The following LMBRD2 variants were observed in gnomAD, a reference collection of about 807,000 sequenced individuals.
LMBRD2 encodes the protein LMBR1 domain containing 2.
LMBRD2 carries 55 observed loss-of-function variants against 94.4 expected under a neutral mutation model. That is an observed-to-expected ratio of 0.58 (90% CI 0.47 to 0.73). LMBRD2 has a LOEUF of 0.73. Ranked by LOEUF, LMBRD2 falls within the 30% of genes least tolerant of loss-of-function variation. LMBRD2 has a pLI of 0.00. For missense variants in LMBRD2, 640 were observed against 831.9 expected (o/e 0.77, Z 2.84); for synonymous variants, 246 against 272.4 (o/e 0.90, Z 0.95).
chr5:36,123,851 G>A (rs1485827283), intron 7 of LMBRD2, among the ~76,000 whole-genome samples: 2 of 151,684 alleles, frequency 1.3e-5, no homozygotes, highest in Non-Finnish European at 2.9e-5. Flanking sequence ...CTGATTGTAA[G>A]ATATTACTGA....
chr5:36,112,341 G>A (rs1743630986), intron 13 of LMBRD2, among the ~76,000 whole-genome samples: 1 of 152,058 alleles, frequency 6.6e-6, no homozygotes, highest in East Asian at 1.9e-4. Flanking sequence ...ACTGTCTCTG[G>A]GAAAGTTTTC....
chr5:36,103,538 C>T lies in LMBRD2; in HGVS notation c.*508G>A, dbSNP rs1484620916. The T allele has an allele frequency of 6.6e-6, 1 of 152,230 alleles. No homozygotes were observed. The highest frequency in any genetic ancestry group is 1.5e-5 in the Non-Finnish European group (1 of 67,850). The allele number at this position is 152,230 out of a possible 1,614,324, so 9.4% of individuals were successfully genotyped here. On this transcript the variant is annotated 3_prime_UTR_variant, in exon 18 of 18. Transcript: ENST00000296603. ...ATTCAGTTATGTCTAGTAAGTAAGC[C>T]TTGTTTTAAGACACGAGTTTTATGA... is the stretch of plus-strand genomic sequence containing the variant.
chr5:36,140,195 C>G (rs1211079617), intron 4 of LMBRD2, among the ~76,000 whole-genome samples: 1 of 152,222 alleles, frequency 6.6e-6, no homozygotes, highest in Non-Finnish European at 1.5e-5. Flanking sequence ...GACCCAGCCA[C>G]AGGCTTTCAC....
rs977849218 is a variant in LMBRD2 at position 36,103,696 on chromosome 5, T to C, written c.*350A>G. 1.2e-4 allele frequency: 19 copies of C among 163,244 alleles called. No homozygotes were observed. The highest frequency in any genetic ancestry group is 3.5e-4 in the South Asian group (2 of 5,716). The allele number at this position is 163,244 out of a possible 1,614,324, so 10.1% of individuals were successfully genotyped here. A position where few individuals can be genotyped will look rare whatever the true frequency, so the allele number is the denominator to read the frequency against. On this transcript the variant is annotated 3_prime_UTR_variant, in exon 18 of 18. Coordinates refer to ENST00000296603, the MANE Select transcript of LMBRD2 (RefSeq NM_001007527.2). The stretch of plus-strand genomic sequence containing the variant: ...ATATAATATTATTTAGTATGACTTA[T>C]GGCTTCCTTGAATCTTTAAAATAAC...
chr5:36,146,164 A>T (rs530098299), intron 1 of LMBRD2, among the ~76,000 whole-genome samples: 29 of 152,312 alleles, frequency 1.9e-4, no homozygotes, highest in African/African-American at 7.0e-4. Flanking sequence ...CCCACACTTC[A>T]TGTGTTAGTA....
At chr5:36,137,792 A>G (rs1328465453) in intron 4 of LMBRD2, among the ~76,000 whole-genome samples, 1 of 152,208 alleles carries the variant, frequency 6.6e-6, no homozygotes, top group Non-Finnish European at 1.5e-5. Context: ...TGATGGTGGT[A>G]AGAAGCAAAA....
chr5:36,132,020 G>C (rs1188422931), intron 6 of LMBRD2, among the ~76,000 whole-genome samples: 1 of 152,112 alleles, frequency 6.6e-6, no homozygotes, highest in Non-Finnish European at 1.5e-5. Context: ...GCTATCTTGA[G>C]TAAAAAGTGC....
rs1579523504 is a variant in LMBRD2, at chr5:36,137,523, T to A, written c.369-82A>T. ...TCTCAAAGTGCCAGAAATATATGAA[T>A]CTCAATTTTAATGAATAGGTCTTCT... On this transcript the variant is annotated intron_variant, in intron 4 of 17. Coordinates refer to ENST00000296603, the MANE Select transcript of LMBRD2 (RefSeq NM_001007527.2). 8 of 815,366 alleles carry A rather than the reference T, an allele frequency of 9.8e-6. No individual in the cohort carries two copies. The South Asian group carries it at 2.1e-4, about 21-fold the overall frequency. The allele number at this position is 815,366 out of a possible 1,614,324, so 50.5% of individuals were successfully genotyped here. A position where few individuals can be genotyped will look rare whatever the true frequency, so the allele number is the denominator to read the frequency against.
At chr5:36,108,999 AC>A (rs1743539953) in intron 15 of LMBRD2, among the ~76,000 whole-genome samples, 1 of 152,286 alleles carries the variant, frequency 6.6e-6, no homozygotes, top group South Asian at 2.1e-4. Context: ...ACTCAAATAA[AC>A]TACAAATATT....
In LMBRD2 at chr5:36,103,625, T is replaced by A. The variant is rs1194167719; in HGVS notation, c.*421A>T. On this transcript the variant is annotated 3_prime_UTR_variant, in exon 18 of 18. Coordinates refer to ENST00000296603, the MANE Select transcript of LMBRD2 (RefSeq NM_001007527.2). ...TTCTTTGGGAAATACAGGTTGAATA[T>A]ACTTTTTAGAAGTAACAAAAATGTA... is the stretch of plus-strand genomic sequence containing the variant. 1 of 152,760 alleles carries A rather than the reference T, an allele frequency of 6.5e-6. No individual in the cohort carries two copies. The highest frequency in any genetic ancestry group is 1.5e-5 in the Non-Finnish European group (1 of 68,120). 9.5% of individuals were successfully genotyped at this position (152,760 alleles called of 1,614,324 possible).
At chr5:36,143,461 G>A (rs1744465730) in intron 1 of LMBRD2, 55 bp from the exon 2 acceptor site, 3 of 699,444 alleles carry the variant, frequency 4.3e-6, no homozygotes, top group Non-Finnish European at 6.9e-6. Flanking sequence ...ATGACATTTG[G>A]AAATTTCATC....
intron 9 of LMBRD2, among the ~76,000 whole-genome samples, chr5:36,118,695 G>A (rs1743817347): frequency 1.3e-5 from 2 of 150,170 alleles, no homozygotes; most frequent in South Asian, 4.2e-4. Flanking sequence ...CTGTCGCCCA[G>A]GCTGGAGTGC....
intron 6 of LMBRD2, among the ~76,000 whole-genome samples, chr5:36,133,510 A>G (rs1486630982): frequency 6.6e-6 from 1 of 152,172 alleles, no homozygotes; most frequent in African/African-American, 2.4e-5. Context: ...ATTGTTTGTA[A>G]CATAAAGAAA....
intron 14 of LMBRD2, 136 bp from the exon 15 acceptor site, chr5:36,110,127 G>A (rs1743569936): frequency 3.0e-6 from 2 of 656,670 alleles, no homozygotes; most frequent in East Asian, 2.8e-5. Flanking sequence ...GGTTATTGCT[G>A]GAAGGAATTT....
chr5:36,111,964 C>G (rs1172101218), intron 13 of LMBRD2, among the ~76,000 whole-genome samples: 2 of 151,780 alleles, frequency 1.3e-5, no homozygotes, highest in African/African-American at 4.8e-5. Context: ...AAAAACCAAG[C>G]AGCTCTTTTT....
chr5:36,131,010 A>G (rs1744139282), intron 6 of LMBRD2, among the ~76,000 whole-genome samples: 1 of 152,164 alleles, frequency 6.6e-6, no homozygotes, highest in Admixed American at 6.6e-5. Flanking sequence ...CCCTGATTCC[A>G]AAACCAGAAA....
At chr5:36,105,886 A>C (rs893365802) in intron 16 of LMBRD2, among the ~76,000 whole-genome samples, 22 of 152,122 alleles carry the variant, frequency 1.4e-4, no homozygotes, top group Admixed American at 9.8e-4. Flanking sequence ...ATATAAACAA[A>C]CCAAATTTTC....
chr5:36,127,428 C>T (rs1354167043), intron 6 of LMBRD2, among the ~76,000 whole-genome samples: 1 of 152,196 alleles, frequency 6.6e-6, no homozygotes, highest in Non-Finnish European at 1.5e-5. Context: ...AAGGTACAAC[C>T]TCAGCCACTG....
intron 4 of LMBRD2, among the ~76,000 whole-genome samples, chr5:36,139,043 C>T (rs566068159): frequency 2.0e-5 from 3 of 152,226 alleles, no homozygotes; most frequent in East Asian, 1.9e-4. Flanking sequence ...TCCGAGTTGG[C>T]GGGGCAGGAG....
Sources: allele counts gnomAD v4.1 joint callset (sites outside exome capture counted in the v4.1 genomes callset), GRCh38; gene constraint gnomAD v4.1.1; transcripts MANE v1.5; gene names NCBI Gene and HGNC (gene_info 2026-07-23, HGNC 2026-07-21).